The following AHNAK variants were observed in gnomAD, a reference collection of about 807,000 sequenced individuals.
The protein encoded by AHNAK is neuroblast differentiation-associated protein AHNAK.
In AHNAK, 23 loss-of-function variants were observed where a neutral mutation model predicts 37.8. The observed-to-expected ratio is 0.61, with a 90% CI of 0.44 to 0.86. The LOEUF (loss-of-function observed/expected upper bound fraction) is 0.86, where lower values mean the gene tolerates loss of function less well. Among genes scored for constraint, AHNAK ranks in the 40% least tolerant of loss-of-function variants. AHNAK has a pLI of 0.00. For missense variants in AHNAK, 7,411 were observed against 7,319.4 expected (o/e 1.01, Z -0.46); for synonymous variants, 2,481 against 2,636.3 (o/e 0.94, Z 1.80).
Position 62,533,877 on chromosome 11 carries a change from G to C in AHNAK, c.540C>G (p.Phe180Leu). 1 of 1,614,164 alleles carries C rather than the reference G, an allele frequency of 6.2e-7. No individual in the cohort carries two copies. Among genetic ancestry groups the C allele is most frequent in the Non-Finnish European group, 8.5e-7 (1 of 1,180,036 alleles). Residue 180 changes from phenylalanine (F) to leucine (L), a missense_variant, in exon 5 of 5, where the codon TTC becomes TTG. By Grantham distance (22) the Phe-to-Leu change is conservative. Transcript: ENST00000378024. ...GTTCATGTCTTGGAATCTTGATCTT[G>C]AATTCAGGGCTACTGATGTCTATGT... ...AKDIDISSPE[F>L]KIKIPRHELT... is the part of the protein sequence containing the mutation.
rs376657199 is a variant in AHNAK, at chr11:62,521,663, T to C, written c.12754A>G (p.Ile4252Val). 1.2e-6 allele frequency: 2 copies of C among 1,613,856 alleles called. No individual in the cohort carries two copies. The highest frequency in any genetic ancestry group is 1.7e-6 in the Non-Finnish European group (2 of 1,180,012). Residue 4252 changes from isoleucine (I) to valine (V), a missense_variant, in exon 5 of 5, where the codon ATC becomes GTC. Coordinates refer to ENST00000378024, the MANE Select transcript of AHNAK (RefSeq NM_001620.3). ...GGCATGGAGATCTTGGGGGCTTTGATGTTCATCTCAGGCATCTTGAATTTA... is the reference window on the plus strand; with the variant it reads ...GGCATGGAGATCTTGGGGGCTTTGACGTTCATCTCAGGCATCTTGAATTTA... ...GPKFKMPEMN[I>V]KAPKISMPDF...
At chr11:62,433,692 C>G in exon 6 of AHNAK, 2 of 669,316 alleles carry the variant, frequency 3.0e-6, no homozygotes, top group Non-Finnish European at 5.1e-6. Flanking sequence ...TATGCAGCAG[C>G]CCTCGGTCTG....
chr11:62,535,244 G>A (rs940575564), intron 3 of AHNAK, 54 bp from the exon 4 acceptor site: 63 of 1,506,584 alleles, frequency 4.2e-5, no homozygotes, highest in African/African-American at 1.6e-4. Flanking sequence ...CAGGGAAACC[G>A]CACACAGCCA....
intron 5 of AHNAK, among the ~76,000 whole-genome samples, chr11:62,448,798 A>G (rs1938471759): frequency 6.6e-6 from 1 of 152,208 alleles, no homozygotes; most frequent in Admixed American, 6.6e-5. Context: ...GGCCGGGCAC[A>G]GTGGCTCACG....
chr11:62,541,024 G>A lies in AHNAK; in HGVS notation c.-99-4457C>T, dbSNP rs538509750. ...GCCTCCTTCCTCCACTGCCCTCGGA[G>A]AACAGTGCCCCTTCCCCGGAGGAGC... is the stretch of plus-strand genomic sequence containing the variant. On this transcript the variant is annotated intron_variant, in intron 1 of 4. Coordinates refer to ENST00000378024, the MANE Select transcript of AHNAK (RefSeq NM_001620.3). 7.9e-5 allele frequency among the ~76,000 whole-genome samples: 12 copies of A among 152,354 alleles called. No individual in the cohort carries two copies. In the South Asian group the frequency reaches 1.2e-3, roughly 16 times the overall value.
At chr11:62,541,457 G>A (rs1941121385) in intron 1 of AHNAK, among the ~76,000 whole-genome samples, 1 of 152,184 alleles carries the variant, frequency 6.6e-6, no homozygotes, top group Non-Finnish European at 1.5e-5. Context: ...ACCCCTACCA[G>A]AGGGGAAGCC....
rs1266249506 is a variant in AHNAK at position 62,519,633 on chromosome 11, T to G, written c.14784A>C (p.Pro4928=). 3 of 1,613,678 alleles carry G rather than the reference T, an allele frequency of 1.9e-6. No individual in the cohort carries two copies. In the East Asian group the frequency reaches 6.7e-5, roughly 36 times the overall value. Residue 4928 remains proline, a synonymous_variant, in exon 5 of 5, where the codon CCA becomes CCC. Transcript: ENST00000378024. ...ACTTCGGACCTGAAAATCCAATTTT[T>G]GGTGCCTTGAGATGCAAATCAACAT... ...APDVDLHLKA[P]KIGFSGPKLE... is the part of the protein sequence containing the mutation.
chr11:62,502,399 G>A (rs1331302395), intron 4 of AHNAK, among the ~76,000 whole-genome samples: 25 of 152,182 alleles, frequency 1.6e-4, no homozygotes, highest in Admixed American at 1.6e-3. Flanking sequence ...CCTAAGTACA[G>A]GCTAAAACCT....
chr11:62,502,799 A>G (rs1939736094), intron 4 of AHNAK, among the ~76,000 whole-genome samples: 1 of 152,212 alleles, frequency 6.6e-6, no homozygotes, highest in South Asian at 2.1e-4. Flanking sequence ...CATGAAAGCC[A>G]GGTGCTGGAA....
chr11:62,524,651 T>C lies in AHNAK; in HGVS notation c.9766A>G (p.Lys3256Glu), dbSNP rs374963242. The C allele has an allele frequency of 1.2e-6, 2 of 1,614,246 alleles. No individual in the cohort carries two copies. The highest frequency in any genetic ancestry group is 1.3e-5 in the African/African-American group (1 of 75,060). ...GDLKGPALDI[K>E]GPKIDVDAPD... Reference sequence around the variant, plus strand: ...GCATCTACATCTATCTTTGGGCCTTTTATGTCAAGAGCAGGTCCTTTCAAA... The same window carrying C: ...GCATCTACATCTATCTTTGGGCCTTCTATGTCAAGAGCAGGTCCTTTCAAA... Residue 3256 changes from lysine to glutamate, a missense_variant, in exon 5 of 5, where the codon AAA becomes GAA. Coordinates refer to ENST00000378024, the MANE Select transcript of AHNAK (RefSeq NM_001620.3).
intron 5 of AHNAK, among the ~76,000 whole-genome samples, chr11:62,437,586 T>C (rs1433198543): frequency 1.3e-5 from 2 of 152,232 alleles, no homozygotes; most frequent in African/African-American, 4.8e-5. Flanking sequence ...CTCGAACTCC[T>C]GACCTCAGGT....
intron 4 of AHNAK, among the ~76,000 whole-genome samples, chr11:62,495,414 T>C (rs1939588076): frequency 6.6e-6 from 1 of 152,156 alleles, no homozygotes; most frequent in African/African-American, 2.4e-5. Flanking sequence ...TTGTAATTCA[T>C]TGCCAAAACT....
At chr11:62,491,637 C>T in intron 5 of AHNAK, 1 of 1,241,176 alleles carries the variant, frequency 8.1e-7, no homozygotes, top group East Asian at 2.5e-5. Flanking sequence ...CCACGTGTGG[C>T]TTCCACAGCC....
chr11:62,443,921 G>C lies in AHNAK; in HGVS notation c.443-10030C>G, dbSNP rs78399380. 3.3e-5 allele frequency among the ~76,000 whole-genome samples: 5 copies of C among 152,326 alleles called. No individual in the cohort carries two copies. The South Asian group carries it at 6.2e-4, about 19-fold the overall frequency. On this transcript the variant is annotated intron_variant, in intron 5 of 5. Coordinates refer to the AHNAK transcript ENST00000257247. Reference sequence around the variant, plus strand: ...TCCTGCCCCTGGCCAGCCTTATGAGGCACCAGCAGTAGAAATGTCACCCCA... The same window carrying C: ...TCCTGCCCCTGGCCAGCCTTATGAGCCACCAGCAGTAGAAATGTCACCCCA...
At chr11:62,458,168 T>C (rs889324712) in intron 5 of AHNAK, among the ~76,000 whole-genome samples, 2 of 152,158 alleles carry the variant, frequency 1.3e-5, no homozygotes, top group Non-Finnish European at 1.5e-5. Context: ...TCCACCCGCC[T>C]TGGCCTCCCA....
At chr11:62,440,189 G>C (rs1236350357) in intron 5 of AHNAK, among the ~76,000 whole-genome samples, 1 of 152,146 alleles carries the variant, frequency 6.6e-6, no homozygotes, top group Admixed American at 6.5e-5. Flanking sequence ...TGGCCGGGAG[G>C]TAGAATCGTG....
Position 62,525,114 on chromosome 11 carries a change from T to C in AHNAK, c.9303A>G (p.Lys3101=), listed in dbSNP as rs1940425281. 1.2e-6 allele frequency: 2 copies of C among 1,614,130 alleles called. No homozygotes were observed. The highest frequency in any genetic ancestry group is 1.6e-4 in the Middle Eastern group (1 of 6,062). Residue 3101 remains lysine, a synonymous_variant, in exon 5 of 5, where the codon AAA becomes AAG. Coordinates refer to ENST00000378024, the MANE Select transcript of AHNAK (RefSeq NM_001620.3). ...CCATGTCACCCTTCACTTTGGGACC[T>C]TTCAGGTTAAGATCAATGTCAGGCA... ...ISMPDIDLNL[K]GPKVKGDMDV...
At chr11:62,486,516 AAGAAAGGAAAGAAGGAAGGAAGGAAGGG>A (rs1939398084) in intron 5 of AHNAK, among the ~76,000 whole-genome samples, 1 of 97,936 alleles carries the variant, frequency 1.0e-5, no homozygotes, top group African/African-American at 4.1e-5. Flanking sequence ...GGAAGGAAGG[AAGAAAGGAAAGAAGGAAGGAAGGAAGGG>A]AGGGAGGGAG....
chr11:62,532,959 A>C lies in AHNAK; in HGVS notation c.1458T>G (p.Thr486=). The change falls in exon 5 of 5, where the codon ACT becomes ACG. Residue 486 remains threonine (T), a synonymous_variant. Coordinates refer to ENST00000378024, the MANE Select transcript of AHNAK (RefSeq NM_001620.3). ...TGGLEGKMKG[T]KVKTPEMIIQ... is the part of the protein sequence containing the mutation. ...TAATCATTTCAGGAGTCTTCACTTTAGTACCTTTCATCTTTCCTTCCAGCC... is the reference window on the plus strand; with the variant it reads ...TAATCATTTCAGGAGTCTTCACTTTCGTACCTTTCATCTTTCCTTCCAGCC... The C allele has an allele frequency of 6.2e-7, 1 of 1,614,144 alleles. No individual in the cohort carries two copies. The highest frequency in any genetic ancestry group is 8.5e-7 in the Non-Finnish European group (1 of 1,180,030).
Sources: allele counts gnomAD v4.1 joint callset (sites outside exome capture counted in the v4.1 genomes callset), GRCh38; gene constraint gnomAD v4.1.1; transcripts MANE v1.5; gene names NCBI Gene and HGNC (gene_info 2026-07-23, HGNC 2026-07-21).